BTNL8: variants seen among roughly 807,000 people sequenced by gnomAD.
BTNL8 encodes butyrophilin-like protein 8.
Under a neutral mutation model 36.1 loss-of-function variants are expected in BTNL8, and 22 were observed. The observed-to-expected ratio is 0.61, with a 90% CI of 0.44 to 0.87. The LOEUF (loss-of-function observed/expected upper bound fraction) is 0.87, where lower values mean the gene tolerates loss of function less well. BTNL8 is among the 40% of genes least tolerant of loss of function. BTNL8 has a pLI of 0.00. For missense variants in BTNL8, 526 were observed against 616.9 expected (o/e 0.85, Z 1.56); for synonymous variants, 203 against 235.6 (o/e 0.86, Z 1.27).
chr5:180,902,436 T>C, intron 1 of BTNL8: 2 of 1,536,078 alleles, frequency 1.3e-6, no homozygotes, highest in African/African-American at 1.4e-5. Flanking sequence ...GCTTTAGAAA[T>C]AGGATTGTGA....
chr5:180,937,961 T>C (rs1454612142), intron 3 of BTNL8, among the ~76,000 whole-genome samples: 1 of 151,824 alleles, frequency 6.6e-6, no homozygotes, highest in Non-Finnish European at 1.5e-5. Context: ...AAAGAAATAT[T>C]CAACAGAGAG....
intron 3 of BTNL8, among the ~76,000 whole-genome samples, chr5:180,928,654 C>T (rs776260477): frequency 4.6e-5 from 7 of 151,896 alleles, no homozygotes; most frequent in Non-Finnish European, 1.0e-4. Context: ...AAAAAGCAGG[C>T]GTTGCAATCC....
intron 3 of BTNL8, among the ~76,000 whole-genome samples, chr5:180,915,741 T>G (rs867410666): frequency 1.1e-4 from 16 of 152,288 alleles, no homozygotes; most frequent in South Asian, 2.1e-4. Context: ...GTTCAACATA[T>G]GCAAATCAAT....
chr5:180,920,533 G>C (rs1757816429), intron 3 of BTNL8, among the ~76,000 whole-genome samples: 2 of 151,972 alleles, frequency 1.3e-5, no homozygotes, highest in African/African-American at 4.8e-5. Context: ...CATTGATCTT[G>C]GCAGTGATTT....
rs1397339892 is a variant in BTNL8 at position 180,948,382 on chromosome 5, A to G, written c.808+7A>G. On this transcript the variant is annotated splice_region_variant and intron_variant, in intron 5 of 7. Coordinates refer to ENST00000340184, the MANE Select transcript of BTNL8 (RefSeq NM_001040462.3). ...AAAATCCAGGCGGAACTGGGTAAGT[A>G]TGTGTCATGTCCTGAGCCTCCCACA... 13 of 1,479,324 alleles carry G rather than the reference A, an allele frequency of 8.8e-6. 3 individuals are homozygous for G. Among genetic ancestry groups the G allele is most frequent in the Non-Finnish European group, 1.2e-5 (13 of 1,069,672 alleles). The allele number at this position is 1,479,324 out of a possible 1,614,324, so 91.6% of individuals were successfully genotyped here.
chr5:180,913,326 G>A (rs1200005577), intron 3 of BTNL8, among the ~76,000 whole-genome samples: 1 of 152,078 alleles, frequency 6.6e-6, no homozygotes, highest in Non-Finnish European at 1.5e-5. Flanking sequence ...CTTTCCTGAG[G>A]CAGTCACCAT....
At chr5:180,941,631 G>A (rs1399557968) in intron 3 of BTNL8, among the ~76,000 whole-genome samples, 1 of 151,994 alleles carries the variant, frequency 6.6e-6, no homozygotes, top group Non-Finnish European at 1.5e-5. Context: ...AGGGATGCAA[G>A]GATGGTTCAA....
At chr5:180,937,857 G>A (rs1245454034) in intron 3 of BTNL8, among the ~76,000 whole-genome samples, 1 of 151,760 alleles carries the variant, frequency 6.6e-6, no homozygotes, top group Non-Finnish European at 1.5e-5. Context: ...TGAGACACAA[G>A]AGACTAGAAA....
In BTNL8 at chr5:180,950,124, T is replaced by C. The variant is rs369461521; in HGVS notation, c.1083T>C (p.Asp361=). 4.8e-6 allele frequency: 7 copies of C among 1,462,560 alleles called. 1 individual carries two copies. The East Asian group carries it at 7.3e-5, about 15-fold the overall frequency. The allele number at this position is 1,462,560 out of a possible 1,614,324, so 90.6% of individuals were successfully genotyped here. ...GGCGCGTGGGAGTGTGCCGGGATGA[T>C]GTGGACAGGAGGAAGGAGTACGTGA... ...KRWRVGVCRD[D]VDRRKEYVTL... Residue 361 remains aspartate (D), a synonymous_variant, in exon 8 of 8, where the codon GAT becomes GAC. Transcript: ENST00000340184.
intron 1 of BTNL8, among the ~76,000 whole-genome samples, chr5:180,902,584 T>C (rs1345628158): frequency 6.6e-6 from 1 of 151,584 alleles, no homozygotes; most frequent in East Asian, 1.9e-4. Context: ...TGCAGGTTAG[T>C]TACATATGTA....
intron 3 of BTNL8, 35 bp downstream of exon 3, chr5:180,911,649 T>C (rs148293230): frequency 0.023 from 35,740 of 1,563,710 alleles, 458 homozygotes; most frequent in Middle Eastern, 0.029. Context: ...GAAGGAGGGG[T>C]GGATGCTTCG....
chr5:180,947,852 G>A, intron 4 of BTNL8: 1 of 1,450,350 alleles, frequency 6.9e-7, no homozygotes. Flanking sequence ...ATAATAAGGG[G>A]ATGAATGATT....
rs1354348427 is a variant in BTNL8 at position 180,935,735 on chromosome 5, C to A, written c.674-11777C>A. Among the ~76,000 whole-genome samples, 1 of 152,066 alleles carries A rather than the reference C, an allele frequency of 6.6e-6. No individual in the cohort carries two copies. Among genetic ancestry groups the A allele is most frequent in the Non-Finnish European group, 1.5e-5 (1 of 67,994 alleles). The stretch of plus-strand genomic sequence containing the variant: ...TGGGGCTCCCCCCATTCCCAGCCCC[C>A]TCCCAGCCCCACCTGGCTCCATGGA... On this transcript the variant is annotated intron_variant, in intron 3 of 7. Coordinates refer to ENST00000340184, the MANE Select transcript of BTNL8 (RefSeq NM_001040462.3). The surrounding 1 kb of genome is among the most constrained non-coding windows in gnomAD (Gnocchi z 4.8).
At chr5:180,942,891 T>A (rs923779628) in intron 3 of BTNL8, among the ~76,000 whole-genome samples, 4 of 152,096 alleles carry the variant, frequency 2.6e-5, no homozygotes, top group South Asian at 2.1e-4. Flanking sequence ...AATTTTTTTT[T>A]ATGTGATTTC....
At chr5:180,946,438 A>C (rs1759252395) in intron 3 of BTNL8, among the ~76,000 whole-genome samples, 2 of 152,250 alleles carry the variant, frequency 1.3e-5, no homozygotes, top group South Asian at 4.1e-4. Context: ...CCTTTAAAAA[A>C]AGGATGGACA....
intron 3 of BTNL8, among the ~76,000 whole-genome samples, chr5:180,913,679 G>A (rs1188931832): frequency 6.6e-6 from 1 of 152,206 alleles, no homozygotes; most frequent in African/African-American, 2.4e-5. Context: ...GCTGAAGCAT[G>A]GATCAAAATG....
chr5:180,932,653 T>C (rs1758451086), intron 3 of BTNL8, among the ~76,000 whole-genome samples: 1 of 152,108 alleles, frequency 6.6e-6, no homozygotes, highest in South Asian at 2.1e-4. Flanking sequence ...CTGGCCAATT[T>C]TAAGTATAAT....
chr5:180,931,631 C>T (rs550134878), intron 3 of BTNL8, among the ~76,000 whole-genome samples: 8 of 151,944 alleles, frequency 5.3e-5, no homozygotes, highest in African/African-American at 7.3e-5. Flanking sequence ...CAAACAATGC[C>T]ATCGAAAAGT....
In BTNL8 at chr5:180,949,656, G is replaced by A; in HGVS notation, c.863-248G>A. On this transcript the variant is annotated intron_variant, in intron 7 of 7. Transcript: ENST00000340184. Reference sequence around the variant, plus strand: ...AATCAAATAGTTTTATGTATGAAGGGACAGTGGCAGGGTTGGGTGATATGC... The same window carrying A: ...AATCAAATAGTTTTATGTATGAAGGAACAGTGGCAGGGTTGGGTGATATGC... The A allele has an allele frequency of 3.6e-6, 2 of 559,258 alleles. 1 individual carries two copies. The highest frequency in any genetic ancestry group is 6.3e-6 in the Non-Finnish European group (2 of 319,978). 34.6% of individuals were successfully genotyped at this position (559,258 alleles called of 1,614,324 possible).
Sources: gnomAD v4.1 joint callset for allele counts (sites outside exome capture counted in the v4.1 genomes callset) on GRCh38, gnomAD v4.1.1 for gene constraint, Gnocchi (gnomAD v3.1) non-coding constraint, MANE v1.5 for transcripts, NCBI Gene and HGNC (gene_info 2026-07-23, HGNC 2026-07-21) for gene names.